The following RBFOX1 variants were observed in gnomAD, a reference collection of about 807,000 sequenced individuals.
The protein encoded by RBFOX1 is RNA binding protein fox-1 homolog 1.
RBFOX1 carries 8 observed loss-of-function variants against 57.7 expected under a neutral mutation model. That is an observed-to-expected ratio of 0.14 (90% confidence interval 0.08 to 0.25). The LOEUF (loss-of-function observed/expected upper bound fraction) is 0.25, where lower values mean the gene tolerates loss of function less well. Ranked by LOEUF, RBFOX1 falls within the 10% of genes least tolerant of loss-of-function variation. RBFOX1 has a pLI of 1.00. For missense variants in RBFOX1, 611 were observed against 548.5 expected, an observed-to-expected ratio of 1.11 and a Z score of -1.14; for synonymous variants, 326 against 222.4, an observed-to-expected ratio of 1.47 and a Z score of -4.15.
intron 4 of RBFOX1, among the ~76,000 whole-genome samples, chr16:7,349,087 T>G (rs1450086491): frequency 1.3e-5 from 2 of 152,132 alleles, no homozygotes; most frequent in African/African-American, 2.4e-5. Flanking sequence ...AAATAAAAAT[T>G]TCATGACCAC....
At chr16:5,471,232 T>C (rs1394519091) in intron 2 of RBFOX1, among the ~76,000 whole-genome samples, 1 of 152,220 alleles carries the variant, frequency 6.6e-6, no homozygotes, top group Non-Finnish European at 1.5e-5. Flanking sequence ...TAGTCGGATG[T>C]GAGAAAATGG....
intron 1 of RBFOX1, among the ~76,000 whole-genome samples, chr16:6,163,349 A>G (rs760107377): frequency 3.3e-5 from 5 of 152,216 alleles, no homozygotes; most frequent in African/African-American, 4.8e-5. Context: ...TTTTGGGAGC[A>G]TGTTAAAACA....
At chr16:7,197,838 A>T (rs531906674) in intron 4 of RBFOX1, among the ~76,000 whole-genome samples, 1 of 152,146 alleles carries the variant, frequency 6.6e-6, no homozygotes, top group Non-Finnish European at 1.5e-5. Flanking sequence ...ATGTTATTCC[A>T]TTTCCGTGAA....
chr16:6,849,847 T>C (rs2093972310), intron 3 of RBFOX1, among the ~76,000 whole-genome samples: 1 of 152,168 alleles, frequency 6.6e-6, no homozygotes, highest in Non-Finnish European at 1.5e-5. Flanking sequence ...CCGTTGTGCC[T>C]TATTTTTCTT....
chr16:7,206,937 C>G (rs2090110480), intron 4 of RBFOX1, among the ~76,000 whole-genome samples: 1 of 152,162 alleles, frequency 6.6e-6, no homozygotes, highest in African/African-American at 2.4e-5. Flanking sequence ...TGTTTCTGTT[C>G]TGTGTGGTAG....
chr16:7,441,960 G>C (rs1403573853), intron 4 of RBFOX1, among the ~76,000 whole-genome samples: 1 of 152,220 alleles, frequency 6.6e-6, no homozygotes, highest in Non-Finnish European at 1.5e-5. Flanking sequence ...GGGGCTGCCC[G>C]TTCTTTGCTG....
intron 4 of RBFOX1, among the ~76,000 whole-genome samples, chr16:7,206,365 C>T (rs2089970602): frequency 1.3e-5 from 2 of 151,808 alleles, no homozygotes; most frequent in African/African-American, 4.8e-5. Flanking sequence ...TAACATACCC[C>T]TTATAAATAC....
intron 3 of RBFOX1, among the ~76,000 whole-genome samples, chr16:5,814,716 C>T (rs186603614): frequency 0.019 from 2,817 of 152,228 alleles, 104 homozygotes; most frequent in African/African-American, 0.064. Context: ...ATCATGAGGT[C>T]AGGAGATCGA....
chr16:6,506,691 A>C (rs530214693), intron 2 of RBFOX1, among the ~76,000 whole-genome samples: 28 of 113,760 alleles, frequency 2.5e-4, no homozygotes, highest in Admixed American at 1.8e-3. Context: ...TTTGTCTCCC[A>C]GGCTGGAGTA....
intron 1 of RBFOX1, among the ~76,000 whole-genome samples, chr16:5,422,064 A>T (rs2067345729): frequency 6.6e-6 from 1 of 152,220 alleles, no homozygotes. Context: ...AAAATAACAA[A>T]AACCTGTTGA....
intron 3 of RBFOX1, among the ~76,000 whole-genome samples, chr16:5,727,112 C>A (rs902012458): frequency 1.3e-5 from 2 of 152,020 alleles, no homozygotes; most frequent in African/African-American, 4.8e-5. Context: ...TACAAAAATA[C>A]AAAAATTAGC....
At chr16:5,429,549 C>G (rs1272049042) in intron 1 of RBFOX1, among the ~76,000 whole-genome samples, 1 of 152,148 alleles carries the variant, frequency 6.6e-6, no homozygotes, top group Non-Finnish European at 1.5e-5. Context: ...AGGGACCATT[C>G]CGATAACAGC....
chr16:5,612,337 C>G (rs2047853993), intron 3 of RBFOX1, among the ~76,000 whole-genome samples: 1 of 151,532 alleles, frequency 6.6e-6, no homozygotes, highest in South Asian at 2.1e-4. Context: ...ATCCACCACT[C>G]CATCTGTCCA....
Position 5,871,958 on chromosome 16 carries a change from C to T in RBFOX1, c.351+4623C>T, listed in dbSNP as rs1313510385. Among the ~76,000 whole-genome samples, 6 of 152,252 alleles carry T rather than the reference C, an allele frequency of 3.9e-5. No individual in the cohort carries two copies. In the East Asian group the frequency reaches 1.2e-3, roughly 29 times the overall value. ...CTACGCAGGTAGCAAACTCAGTGGC[C>T]TTGGGAGAATGTAGGTGGAATCTCC... On this transcript the variant is annotated intron_variant, in intron 4 of 19. Transcript: ENST00000641259.
At chr16:6,668,166 G>T (rs537278550) in intron 3 of RBFOX1, among the ~76,000 whole-genome samples, 1 of 152,330 alleles carries the variant, frequency 6.6e-6, no homozygotes, top group East Asian at 1.9e-4. Flanking sequence ...AAGTAAAGGT[G>T]CAGACCAGGG....
chr16:5,442,375 G>A (rs947755401), intron 1 of RBFOX1, among the ~76,000 whole-genome samples: 6 of 152,210 alleles, frequency 3.9e-5, no homozygotes, highest in Admixed American at 2.6e-4. Context: ...GCAGGCTCTG[G>A]GAAAGTTGAA....
At chr16:6,289,097 G>A (rs1567859005) in intron 1 of RBFOX1, among the ~76,000 whole-genome samples, 1 of 152,108 alleles carries the variant, frequency 6.6e-6, no homozygotes, top group Admixed American at 6.5e-5. Context: ...ACTTTTGGAG[G>A]GGGTTATTTC....
chr16:5,575,648 C>G (rs1336198896), intron 2 of RBFOX1, among the ~76,000 whole-genome samples: 1 of 152,206 alleles, frequency 6.6e-6, no homozygotes, highest in East Asian at 1.9e-4. Flanking sequence ...ATGAGACAGG[C>G]AGGAAAGTGC....
At chr16:7,304,422 G>A in intron 4 of RBFOX1, 1 of 985,360 alleles carries the variant, frequency 1.0e-6, no homozygotes, top group Non-Finnish European at 1.2e-6. Context: ...CCTGCGTGGC[G>A]CTCCCCAACG....
Sources: gnomAD v4.1 joint callset for allele counts (sites outside exome capture counted in the v4.1 genomes callset) on GRCh38, gnomAD v4.1.1 for gene constraint, MANE v1.5 for transcripts, NCBI Gene and HGNC (gene_info 2026-07-23, HGNC 2026-07-21) for gene names.